Variants in SCHIP1 observed in about 807,000 individuals in gnomAD.
SCHIP1 encodes schwannomin-interacting protein 1.
In SCHIP1, 8 loss-of-function variants were observed where a neutral mutation model predicts 29.7. That is an observed-to-expected ratio of 0.27 (90% CI 0.16 to 0.49). SCHIP1 has a LOEUF of 0.49. SCHIP1 is among the 20% of genes least tolerant of loss of function. SCHIP1 has a pLI of 0.99. For missense variants in SCHIP1, 193 were observed against 294.6 expected (o/e 0.66, Z 2.52); for synonymous variants, 76 against 94.9 (o/e 0.80, Z 1.16).
chr3:159,772,265 C>A, the SCHIP1 span, among the ~76,000 whole-genome samples: 1 of 152,192 alleles, frequency 6.6e-6, no homozygotes, highest in East Asian at 1.9e-4. Context: ...ATTCTCATGC[C>A]TCAGCCTCCG....
the SCHIP1 span, among the ~76,000 whole-genome samples, chr3:159,360,136 A>G: frequency 6.6e-6 from 1 of 152,202 alleles, no homozygotes; most frequent in Non-Finnish European, 1.5e-5. Flanking sequence ...AAGATGTTCA[A>G]TGCAAACATC....
the SCHIP1 span, among the ~76,000 whole-genome samples, chr3:159,682,365 AG>A: frequency 6.6e-6 from 1 of 152,188 alleles, no homozygotes; most frequent in Non-Finnish European, 1.5e-5. Flanking sequence ...ACTCGAGAAA[AG>A]GGCTCAGCTT....
the SCHIP1 span, among the ~76,000 whole-genome samples, chr3:159,558,148 A>C: frequency 1.3e-5 from 2 of 152,218 alleles, no homozygotes; most frequent in African/African-American, 4.8e-5. Context: ...CAAGCATCAA[A>C]AGCCATAAGG....
At chr3:159,540,427 T>C in the SCHIP1 span, among the ~76,000 whole-genome samples, 32 of 152,124 alleles carry the variant, frequency 2.1e-4, no homozygotes, top group African/African-American at 7.7e-4. Context: ...AGTGATGTGA[T>C]AAAAATATTT....
chr3:159,749,183 A>G, the SCHIP1 span, among the ~76,000 whole-genome samples: 2 of 151,976 alleles, frequency 1.3e-5, no homozygotes. Context: ...GAGGAAATGT[A>G]TGCAACTGTA....
the SCHIP1 span, among the ~76,000 whole-genome samples, chr3:159,594,339 T>C: frequency 6.6e-6 from 1 of 152,238 alleles, no homozygotes; most frequent in African/African-American, 2.4e-5. Flanking sequence ...TTTTAAATGT[T>C]ATGTTAGTTG....
At chr3:159,371,559 ATAG>A in the SCHIP1 span, among the ~76,000 whole-genome samples, 1 of 152,278 alleles carries the variant, frequency 6.6e-6, no homozygotes, top group Non-Finnish European at 1.5e-5. Flanking sequence ...TTAAAAAGAA[ATAG>A]TGTATATGGA....
the SCHIP1 span, among the ~76,000 whole-genome samples, chr3:159,725,466 A>G: frequency 6.6e-6 from 1 of 151,966 alleles, no homozygotes; most frequent in Non-Finnish European, 1.5e-5. Context: ...ACGGGGTTTC[A>G]TCATCTTGGT....
At chr3:159,703,288 G>A in the SCHIP1 span, among the ~76,000 whole-genome samples, 11 of 152,190 alleles carry the variant, frequency 7.2e-5, no homozygotes, top group Non-Finnish European at 1.6e-4. Context: ...TTACATTGAA[G>A]AAAATTGTTT....
At chr3:159,455,582 G>T in the SCHIP1 span, among the ~76,000 whole-genome samples, 1 of 152,236 alleles carries the variant, frequency 6.6e-6, no homozygotes. Context: ...AATGCCCCAT[G>T]ATTTGAAGAA....
chr3:159,869,940 A>G (rs140193573), intron 2 of SCHIP1, among the ~76,000 whole-genome samples: 188 of 152,086 alleles, frequency 1.2e-3, no homozygotes, highest in Non-Finnish European at 2.3e-3. Context: ...AGGTTTAGAC[A>G]TATTACACAT....
the SCHIP1 span, among the ~76,000 whole-genome samples, chr3:159,477,171 A>G: frequency 6.6e-6 from 1 of 152,010 alleles, no homozygotes; most frequent in Non-Finnish European, 1.5e-5. Context: ...TATATTCCAC[A>G]TTTTCTTTAT....
chr3:159,419,141 C>T, the SCHIP1 span, among the ~76,000 whole-genome samples: 1 of 152,176 alleles, frequency 6.6e-6, no homozygotes, highest in East Asian at 1.9e-4. Flanking sequence ...AAAAGAGCAC[C>T]ACGAACTTGT....
chr3:159,720,136 C>T, the SCHIP1 span, among the ~76,000 whole-genome samples: 1 of 150,372 alleles, frequency 6.7e-6, no homozygotes, highest in African/African-American at 2.5e-5. Context: ...GGACAGAAAA[C>T]CAAACACCGC....
At chr3:159,507,834 A>G in the SCHIP1 span, among the ~76,000 whole-genome samples, 2 of 152,220 alleles carry the variant, frequency 1.3e-5, no homozygotes, top group African/African-American at 4.8e-5. Context: ...ATCATAGTGG[A>G]TAAGCTTTTT....
chr3:159,722,858 C>G, the SCHIP1 span, among the ~76,000 whole-genome samples: 1 of 152,048 alleles, frequency 6.6e-6, no homozygotes, highest in Non-Finnish European at 1.5e-5. Context: ...TTTTCTTTGC[C>G]CTGAACTACA....
chr3:159,802,769 C>T, the SCHIP1 span, among the ~76,000 whole-genome samples: 2 of 152,162 alleles, frequency 1.3e-5, no homozygotes, highest in Admixed American at 1.3e-4. Context: ...GTGTAAGTGA[C>T]AGAAAATCTA....
the SCHIP1 span, among the ~76,000 whole-genome samples, chr3:159,831,376 A>G: frequency 6.6e-6 from 1 of 152,194 alleles, no homozygotes; most frequent in Non-Finnish European, 1.5e-5. Flanking sequence ...TTCTGACTAC[A>G]GTAGTCTCCC....
chr3:159,337,057 T>C, the SCHIP1 span, among the ~76,000 whole-genome samples: 10 of 152,188 alleles, frequency 6.6e-5, no homozygotes, highest in Non-Finnish European at 4.4e-5. Flanking sequence ...CGCAAATCAA[T>C]AAACGTAATC....
Sources: gnomAD v4.1 joint callset for allele counts (sites outside exome capture counted in the v4.1 genomes callset) on GRCh38, gnomAD v4.1.1 for gene constraint, MANE v1.5 for transcripts, NCBI Gene and HGNC (gene_info 2026-07-23, HGNC 2026-07-21) for gene names.